The following BTAF1 variants were observed in gnomAD, a reference collection of about 807,000 sequenced individuals.
BTAF1 encodes TATA-binding protein-associated factor 172.
BTAF1 carries 38 observed loss-of-function variants against 227.1 expected under a neutral mutation model. The ratio of observed to expected loss-of-function variants is 0.17; its 90% CI spans 0.13 to 0.22. The LOEUF (loss-of-function observed/expected upper bound fraction) is 0.22, where lower values mean the gene tolerates loss of function less well. BTAF1 is among the 10% of genes least tolerant of loss of function. The pLI, the probability that BTAF1 is intolerant of heterozygous loss-of-function variation, is 1.00. For synonymous variants in BTAF1, 742 were observed against 751.9 expected (o/e 0.99, Z 0.21); for missense variants, 1,598 against 2,204.0 (o/e 0.73, Z 5.51).
At chr10:92,022,653 A>G (rs1851219288) in intron 34 of BTAF1, among the ~76,000 whole-genome samples, 1 of 152,100 alleles carries the variant, frequency 6.6e-6, no homozygotes, top group Admixed American at 6.6e-5. Flanking sequence ...CCTGGCCTCA[A>G]GCAGTCTTCC....
At chr10:91,965,593 C>G (rs1351886403) in intron 13 of BTAF1, among the ~76,000 whole-genome samples, 1 of 152,098 alleles carries the variant, frequency 6.6e-6, no homozygotes, top group East Asian at 1.9e-4. Flanking sequence ...AGTTTTCCGT[C>G]TTTTTTGTTT....
intron 3 of BTAF1, 82 bp from the exon 4 acceptor site, chr10:91,942,340 C>T (rs985995809): frequency 2.7e-5 from 28 of 1,020,242 alleles, no homozygotes; most frequent in Middle Eastern, 2.6e-4. Context: ...GTAACCCATG[C>T]AACCCAAGTA....
intron 12 of BTAF1, among the ~76,000 whole-genome samples, chr10:91,963,190 T>C (rs1846644520): frequency 6.6e-6 from 1 of 151,976 alleles, no homozygotes; most frequent in Admixed American, 6.5e-5. Context: ...CCCACTCTCC[T>C]GGGCTCAAGC....
chr10:91,940,749 G>A (rs1028398187), intron 3 of BTAF1, among the ~76,000 whole-genome samples: 7 of 151,970 alleles, frequency 4.6e-5, no homozygotes, highest in Non-Finnish European at 1.0e-4. Context: ...CAGTGGTGCA[G>A]TTTTGGCTCA....
At chr10:91,955,972 A>T (rs760637839) in intron 6 of BTAF1, among the ~76,000 whole-genome samples, 1 of 152,236 alleles carries the variant, frequency 6.6e-6, no homozygotes, top group Admixed American at 6.5e-5. Context: ...GAATGAAAGT[A>T]GTTTGACTTG....
At position 91,956,001 on chromosome 10, in the gene BTAF1, T is replaced by A. The variant is rs548316845; in HGVS notation, c.702-527T>A. Among the ~76,000 whole-genome samples, 21 of 152,324 alleles carry A rather than the reference T, an allele frequency of 1.4e-4. No individual in the cohort carries two copies. In the South Asian group the frequency reaches 3.5e-3, roughly 26 times the overall value. The stretch of plus-strand genomic sequence containing the variant: ...TGACTTGTCCTCTCCTTTCCAGTAT[T>A]AGGCTAGCCTCAAAATTTTTGGTCT... On this transcript the variant is annotated intron_variant, in intron 6 of 37. Transcript: ENST00000265990.
intron 20 of BTAF1, among the ~76,000 whole-genome samples, chr10:91,991,797 G>GTATATATATATATATATATATATATATA (rs1166615338): frequency 2.0e-4 from 2 of 10,012 alleles, no homozygotes; most frequent in African/African-American, 3.6e-4. Flanking sequence ...GTGTGTGTGT[G>GTATATATATATATATATATATATATATA]TATATATATA....
intron 24 of BTAF1, 85 bp from the exon 25 acceptor site, chr10:91,997,518 T>C (rs1658778187): frequency 4.0e-6 from 5 of 1,242,532 alleles, no homozygotes; most frequent in Non-Finnish European, 4.5e-6. Context: ...GTGAGCCTTT[T>C]AAAAAGTTAA....
intron 7 of BTAF1, among the ~76,000 whole-genome samples, chr10:91,956,891 G>C (rs1846131460): frequency 6.6e-6 from 1 of 152,164 alleles, no homozygotes. Context: ...TTGGGAGGCT[G>C]AGGTAGGAGA....
chr10:91,975,727 C>T (rs1411605529), intron 14 of BTAF1, among the ~76,000 whole-genome samples: 1 of 152,160 alleles, frequency 6.6e-6, no homozygotes, highest in Admixed American at 6.5e-5. Context: ...TCAGATTGCT[C>T]CTTTTTTCTG....
intron 19 of BTAF1, among the ~76,000 whole-genome samples, chr10:91,986,172 G>T (rs1023683419): frequency 6.6e-6 from 1 of 152,154 alleles, no homozygotes; most frequent in Admixed American, 6.5e-5. Context: ...TTTTCTTACA[G>T]ATATCTAATT....
At chr10:92,015,976 T>C (rs1202038471) in intron 32 of BTAF1, among the ~76,000 whole-genome samples, 2 of 152,196 alleles carry the variant, frequency 1.3e-5, no homozygotes, top group Non-Finnish European at 2.9e-5. Context: ...TCTCATTTAC[T>C]TCTAAGAGTT....
intron 14 of BTAF1, among the ~76,000 whole-genome samples, chr10:91,975,611 T>C (rs1847624510): frequency 6.6e-6 from 1 of 152,238 alleles, no homozygotes; most frequent in Admixed American, 6.5e-5. Flanking sequence ...ATCACCAACT[T>C]ACAGGTTCTC....
intron 18 of BTAF1, among the ~76,000 whole-genome samples, chr10:91,983,891 A>ATTT (rs71025378): frequency 4.6e-4 from 67 of 146,308 alleles, no homozygotes; most frequent in African/African-American, 1.5e-3. Context: ...TTCTTTTCTG[A>ATTT]TTTTTTTTTT....
At chr10:91,947,554 A>G (rs567013948) in intron 4 of BTAF1, among the ~76,000 whole-genome samples, 5 of 152,284 alleles carry the variant, frequency 3.3e-5, no homozygotes, top group South Asian at 2.1e-4. Flanking sequence ...TCTTAATTCT[A>G]TTCCATTGAT....
intron 25 of BTAF1, among the ~76,000 whole-genome samples, chr10:92,007,210 C>CTTTTTTTTTTTTTTTTT (rs969389265): frequency 4.9e-5 from 3 of 61,278 alleles, no homozygotes; most frequent in Admixed American, 1.8e-4. Context: ...TATTTTTTGT[C>CTTTTTTTTTTTTTTTTT]TTTTTTTTTT....
At chr10:91,934,191 C>G (rs920508950) in intron 1 of BTAF1, among the ~76,000 whole-genome samples, 1 of 151,874 alleles carries the variant, frequency 6.6e-6, no homozygotes, top group Admixed American at 6.6e-5. Context: ...GTATGACTAG[C>G]TTCATAGTTT....
At chr10:92,021,513 CT>C (rs1851119560) in intron 34 of BTAF1, among the ~76,000 whole-genome samples, 1 of 151,770 alleles carries the variant, frequency 6.6e-6, no homozygotes, top group African/African-American at 2.4e-5. Flanking sequence ...GTATTTCATA[CT>C]AGTCAGAACA....
At chr10:91,928,191 T>C (rs766840689) in intron 1 of BTAF1, among the ~76,000 whole-genome samples, 26 of 152,322 alleles carry the variant, frequency 1.7e-4, no homozygotes, top group Admixed American at 3.3e-4. Context: ...TGATGTATTT[T>C]ATGTGGTCAA....
Sources: gnomAD v4.1 joint callset for allele counts (sites outside exome capture counted in the v4.1 genomes callset) on GRCh38, gnomAD v4.1.1 for gene constraint, MANE v1.5 for transcripts, NCBI Gene and HGNC (gene_info 2026-07-23, HGNC 2026-07-21) for gene names.